SERPINB9: variants seen among roughly 807,000 people sequenced by gnomAD.
The protein encoded by SERPINB9 is serpin family B member 9.
Under a neutral mutation model 27.2 loss-of-function variants are expected in SERPINB9, and 20 were observed. The observed-to-expected ratio is 0.74, with a 90% CI of 0.52 to 1.07. The LOEUF is 1.07. Ranked by LOEUF, SERPINB9 falls within the 50% of genes least tolerant of loss-of-function variation. SERPINB9 has a pLI of 0.00. For missense variants in SERPINB9, 476 were observed against 460.1 expected (o/e 1.03, Z -0.32); for synonymous variants, 189 against 180.0 (o/e 1.05, Z -0.40).
chr6:2,891,844 C>T lies in SERPINB9; in HGVS notation c.712G>A (p.Glu238Lys). The T allele has an allele frequency of 6.2e-7, 1 of 1,605,574 alleles. No homozygotes were observed. Among genetic ancestry groups the T allele is most frequent in the Non-Finnish European group, 8.5e-7 (1 of 1,178,784 alleles). ...AGCCCGGGTCTTACCGTGCTGAGCT[C>T]CACGCCGTCGTCAGGCAGCAGCACC... ...LLVLLPDDGV[E>K]LSTVEKSLTF... The change falls in exon 6 of 7, where the codon GAG becomes AAG. Residue 238 changes from glutamate (E) to lysine (K), a missense_variant. By Grantham distance (56) the Glu-to-Lys change is moderately conservative. Transcript: ENST00000380698. The surrounding 1 kb of genome is among the most constrained non-coding windows in gnomAD (Gnocchi z 4.0).
intron 1 of SERPINB9, among the ~76,000 whole-genome samples, chr6:2,902,580 C>T (rs1581203471): frequency 6.6e-6 from 1 of 152,110 alleles, no homozygotes; most frequent in East Asian, 1.9e-4. Context: ...AGTGCAGTGG[C>T]GCAATCCCAG....
At position 2,890,812 on chromosome 6, in the gene SERPINB9, T is replaced by C. The variant is rs566280746; in HGVS notation, c.724-242A>G. On this transcript the variant is annotated intron_variant, in intron 6 of 6. Coordinates refer to ENST00000380698, the MANE Select transcript of SERPINB9 (RefSeq NM_004155.6). This position sits in a 1 kb window ranked among gnomAD's most constrained non-coding sequence, Gnocchi z 6.2. The stretch of plus-strand genomic sequence containing the variant: ...AGGCAGGAAGGCTGTGGCTGTCCTC[T>C]CCTTATCCAACAACTCCAGAGACAT... Among the ~76,000 whole-genome samples, 1 of 152,232 alleles carries C rather than the reference T, an allele frequency of 6.6e-6. No individual in the cohort carries two copies. Among genetic ancestry groups the C allele is most frequent in the Non-Finnish European group, 1.5e-5 (1 of 68,012 alleles).
chr6:2,902,965 GAC>G (rs1768252317), intron 1 of SERPINB9, among the ~76,000 whole-genome samples: 4 of 152,228 alleles, frequency 2.6e-5, no homozygotes, highest in Admixed American at 1.3e-4. Flanking sequence ...GCAGCGAGGA[GAC>G]ATCCGGGAGG....
At chr6:2,895,355 G>T in intron 4 of SERPINB9, 36 bp downstream of exon 4, 1 of 1,388,974 alleles carries the variant, frequency 7.2e-7, no homozygotes, top group Non-Finnish European at 1.0e-6. Flanking sequence ...GAGGAGGACG[G>T]GTTGGGAGGA....
rs1459762316 is a variant in SERPINB9 at position 2,903,035 on chromosome 6, A to T, written c.-11+166T>A. Among the ~76,000 whole-genome samples the T allele has an allele frequency of 4.6e-5, 7 of 151,582 alleles. No homozygotes were observed. The highest frequency in any genetic ancestry group is 3.9e-4 in the Admixed American group (6 of 15,228). On this transcript the variant is annotated intron_variant, in intron 1 of 6. Transcript: ENST00000380698. The surrounding 1 kb of genome is among the most constrained non-coding windows in gnomAD (Gnocchi z 5.2). ...CGGAGACCGGCTGCCGCTCCCAGGC[A>T]CCCCCCAGAGACCGTTGCTGACCCC...
At chr6:2,895,620 C>A in intron 3 of SERPINB9, 112 bp from the exon 4 acceptor site, 1 of 703,298 alleles carries the variant, frequency 1.4e-6, no homozygotes. Context: ...ATACATAACT[C>A]TTTAAAAGTG....
At chr6:2,895,360 G>A (rs773340390) in intron 4 of SERPINB9, 31 bp downstream of exon 4, 2 of 1,447,762 alleles carry the variant, frequency 1.4e-6, no homozygotes, top group Non-Finnish European at 1.9e-6. Context: ...GGACGGGTTG[G>A]GAGGAAGGTG....
At position 2,900,539 on chromosome 6, in the gene SERPINB9, A is replaced by G; in HGVS notation, c.73T>C (p.Ser25Pro). The change falls in exon 2 of 7, where the codon TCG becomes CCG. Residue 25 changes from serine (S) to proline (P), a missense_variant. Transcript: ENST00000380698. Reference sequence around the variant, plus strand: ...ACAGGAGAACAGAACACGTTGTGCGAAGGGTTATCTTGACACAGTATCTTT... The same window carrying G: ...ACAGGAGAACAGAACACGTTGTGCGGAGGGTTATCTTGACACAGTATCTTT... ...LLKILCQDNP[S>P]HNVFCSPVSI... 1 of 1,614,166 alleles carries G rather than the reference A, an allele frequency of 6.2e-7. No homozygotes were observed. The highest frequency in any genetic ancestry group is 1.3e-5 in the African/African-American group (1 of 75,024).
At position 2,890,782 on chromosome 6, in the gene SERPINB9, G is replaced by C. The variant is rs318487; in HGVS notation, c.724-212C>G. On this transcript the variant is annotated intron_variant, in intron 6 of 6. Coordinates refer to ENST00000380698, the MANE Select transcript of SERPINB9 (RefSeq NM_004155.6). The surrounding 1 kb of genome is among the most constrained non-coding windows in gnomAD (Gnocchi z 6.2). ...TGACAAGGGGGAGAGACACCAAGCA[G>C]TCAGAGGCAGGAAGGCTGTGGCTGT... Among the ~76,000 whole-genome samples the C allele has an allele frequency of 0.49, 74,553 of 151,984 alleles. 19,146 individuals carry two copies. The highest frequency in any genetic ancestry group is 0.63 in the East Asian group (3,242 of 5,170).
chr6:2,893,507 G>T lies in SERPINB9; in HGVS notation c.471C>A (p.Thr157=). The T allele has an allele frequency of 6.2e-7, 1 of 1,612,536 alleles. No individual in the cohort carries two copies. The highest frequency in any genetic ancestry group is 1.1e-5 in the South Asian group (1 of 90,848). ...LLPGSSIDAE[T]RLVLVNAIYF... ...AGATGGCATTGACAAGAACCAGCCT[G>T]GTTTCTGCATCAATTGAGCTACCCG... is the stretch of plus-strand genomic sequence containing the variant. The change falls in exon 5 of 7, where the codon ACC becomes ACA. Residue 157 remains threonine, a synonymous_variant. Coordinates refer to ENST00000380698, the MANE Select transcript of SERPINB9 (RefSeq NM_004155.6).
At position 2,893,408 on chromosome 6, in the gene SERPINB9, C is replaced by G; in HGVS notation, c.567+3G>C. 6.3e-7 allele frequency: 1 copy of G among 1,598,124 alleles called. No individual in the cohort carries two copies. The highest frequency in any genetic ancestry group is 8.5e-7 in the Non-Finnish European group (1 of 1,171,620). On this transcript the variant is annotated splice_donor_region_variant and intron_variant, in intron 5 of 6. Coordinates refer to ENST00000380698, the MANE Select transcript of SERPINB9 (RefSeq NM_004155.6). ...TAGCAGGATTTTAAAAAGCTTCCCC[C>G]ACCTGGTTTATTTTAAAGGGCATTT...
intron 5 of SERPINB9, among the ~76,000 whole-genome samples, chr6:2,892,774 A>G (rs318489): frequency 0.73 from 111,054 of 151,938 alleles, 41,422 homozygotes; most frequent in African/African-American, 0.89. Flanking sequence ...TTTTTTAATT[A>G]CATTAAAATA....
At chr6:2,900,379 G>A (rs1424285430) in intron 2 of SERPINB9, 65 bp downstream of exon 2, 1 of 1,570,682 alleles carries the variant, frequency 6.4e-7, no homozygotes, top group Non-Finnish European at 8.7e-7. Flanking sequence ...GAGTGTGAGT[G>A]TGAAGCTGGT....
In SERPINB9 at chr6:2,888,859, C is replaced by T. The variant is rs1003120884; in HGVS notation, c.*1304G>A. 1 of 149,978 alleles carries T rather than the reference C, an allele frequency of 6.7e-6. No individual in the cohort carries two copies. The highest frequency in any genetic ancestry group is 2.5e-5 in the African/African-American group (1 of 40,670). The allele number at this position is 149,978 out of a possible 1,614,324, so 9.3% of individuals were successfully genotyped here. On this transcript the variant is annotated 3_prime_UTR_variant, in exon 7 of 7. Transcript: ENST00000380698. The stretch of plus-strand genomic sequence containing the variant: ...TGAAGTTTACCTCAATAAAAAAATT[C>T]TTAAAAAAAAAAACTCAGTGATATC...
chr6:2,890,650 T>TC lies in SERPINB9; in HGVS notation c.724-81dup. 1 of 1,359,482 alleles carries TC rather than the reference T, an allele frequency of 7.4e-7. No individual in the cohort carries two copies. The highest frequency in any genetic ancestry group is 1.0e-6 in the Non-Finnish European group (1 of 984,568). The allele number at this position is 1,359,482 out of a possible 1,614,324, so 84.2% of individuals were successfully genotyped here. A position where few individuals can be genotyped will look rare whatever the true frequency, so the allele number is the denominator to read the frequency against. On this transcript the variant is annotated intron_variant, in intron 6 of 6. Transcript: ENST00000380698. The surrounding 1 kb of genome is among the most constrained non-coding windows in gnomAD (Gnocchi z 6.2). The stretch of plus-strand genomic sequence containing the variant: ...GCACAGGCACTCACAGTTCCCTTCC[T>TC]CCCCTTGCACGTAGGTGTTGTTTGT...
At chr6:2,895,584 T>C (rs1333447792) in intron 3 of SERPINB9, 76 bp from the exon 4 acceptor site, 2 of 865,844 alleles carry the variant, frequency 2.3e-6, no homozygotes, top group South Asian at 1.5e-5. Context: ...ATTCTAAATA[T>C]GTTATCTTTT....
intron 1 of SERPINB9, among the ~76,000 whole-genome samples, chr6:2,902,102 C>A (rs1768226027): frequency 6.6e-6 from 1 of 152,186 alleles, no homozygotes; most frequent in South Asian, 2.1e-4. Context: ...TCCAGACTCA[C>A]TGAGGTCACA....
chr6:2,899,692 T>C (rs973246618), intron 2 of SERPINB9, among the ~76,000 whole-genome samples: 3 of 152,218 alleles, frequency 2.0e-5, no homozygotes, highest in African/African-American at 4.8e-5. Flanking sequence ...CCCTCCCTTC[T>C]TCACACAATG....
rs369415935 is a variant in SERPINB9, at chr6:2,894,976, C to G, written c.424+415G>C. ...CCCACCATGTTGGTCAGGCTGGTCT[C>G]GAACTCCTGACCTCAAGTGATATGT... On this transcript the variant is annotated intron_variant, in intron 4 of 6. Transcript: ENST00000380698. This position sits in a 1 kb window ranked among gnomAD's most constrained non-coding sequence, Gnocchi z 4.7. Among the ~76,000 whole-genome samples the G allele has an allele frequency of 6.6e-6, 1 of 151,526 alleles. No homozygotes were observed. The highest frequency in any genetic ancestry group is 6.6e-5 in the Admixed American group (1 of 15,206).
Sources: gnomAD v4.1 joint callset for allele counts (sites outside exome capture counted in the v4.1 genomes callset) on GRCh38, gnomAD v4.1.1 for gene constraint, Gnocchi (gnomAD v3.1) non-coding constraint, MANE v1.5 for transcripts, NCBI Gene and HGNC (gene_info 2026-07-23, HGNC 2026-07-21) for gene names.